Variants in NBEA observed in about 807,000 individuals in gnomAD.
NBEA encodes the protein neurobeachin.
In NBEA, 44 loss-of-function variants were observed where a neutral mutation model predicts 343.4. The observed-to-expected ratio is 0.13, with a 90% CI of 0.10 to 0.16. The LOEUF (loss-of-function observed/expected upper bound fraction) is 0.16. Ranked by LOEUF, NBEA falls within the 10% of genes least tolerant of loss-of-function variation. NBEA has a pLI of 1.00. For synonymous variants in NBEA, 1,175 were observed against 1,238.7 expected (o/e 0.95, Z 1.08); for missense variants, 2,555 against 3,631.3 (o/e 0.70, Z 7.62).
chr13:35,660,729 C>G (rs1377845676), intron 55 of NBEA, among the ~76,000 whole-genome samples: 2 of 152,188 alleles, frequency 1.3e-5, no homozygotes, highest in African/African-American at 4.8e-5. Context: ...CTGCCACTAA[C>G]CAGTGCTATT....
chr13:35,657,597 A>G (rs1167366534), intron 55 of NBEA, among the ~76,000 whole-genome samples: 1 of 152,332 alleles, frequency 6.6e-6, no homozygotes, highest in Non-Finnish European at 1.5e-5. Context: ...ATTCTCAAGA[A>G]TGGTACATTA....
intron 47 of NBEA, 140 bp from the exon 48 acceptor site, chr13:35,606,286 A>C (rs1321042969): frequency 2.4e-6 from 1 of 412,616 alleles, no homozygotes; most frequent in Non-Finnish European, 4.0e-6. Flanking sequence ...TAAATGAAGA[A>C]TAGAATAGAA....
intron 45 of NBEA, among the ~76,000 whole-genome samples, chr13:35,581,884 TAA>T (rs67036210): frequency 8.7e-4 from 96 of 110,448 alleles, no homozygotes; most frequent in Middle Eastern, 4.2e-3. Context: ...AAAGTATAAT[TAA>T]AAAAAAAAAA....
At chr13:35,522,372 G>A (rs1331581786) in intron 41 of NBEA, among the ~76,000 whole-genome samples, 2 of 150,042 alleles carry the variant, frequency 1.3e-5, no homozygotes, top group South Asian at 2.1e-4. Flanking sequence ...GGCAGCTGAG[G>A]CAGGAGAATC....
At chr13:35,351,673 T>C (rs1046558902) in intron 37 of NBEA, among the ~76,000 whole-genome samples, 1 of 152,012 alleles carries the variant, frequency 6.6e-6, no homozygotes, top group African/African-American at 2.4e-5. Context: ...GCATATTTTG[T>C]GAATTAAAAT....
chr13:35,488,446 T>C (rs1187244648), intron 41 of NBEA, among the ~76,000 whole-genome samples: 1 of 152,066 alleles, frequency 6.6e-6, no homozygotes, highest in East Asian at 1.9e-4. Flanking sequence ...ATATACTTTA[T>C]GTATTTTGGC....
At chr13:35,401,569 A>G (rs1010751546) in intron 38 of NBEA, among the ~76,000 whole-genome samples, 10 of 152,146 alleles carry the variant, frequency 6.6e-5, no homozygotes, top group Admixed American at 6.6e-4. Context: ...GTGTATTCTA[A>G]AACATTTGTT....
chr13:34,953,505 AC>A (rs1566085288), intron 1 of NBEA, among the ~76,000 whole-genome samples: 1 of 152,082 alleles, frequency 6.6e-6, no homozygotes, highest in Non-Finnish European at 1.5e-5. Context: ...TTTAGCTCTT[AC>A]CCCTATTTAA....
intron 2 of NBEA, 35 bp downstream of exon 2, chr13:35,041,199 A>C: frequency 6.6e-7 from 1 of 1,519,074 alleles, no homozygotes; most frequent in Non-Finnish European, 9.1e-7. Flanking sequence ...TATAACTTAA[A>C]TGTTTATAAA....
chr13:35,177,435 GTTA>G (rs551271107), intron 28 of NBEA, among the ~76,000 whole-genome samples: 8 of 151,736 alleles, frequency 5.3e-5, no homozygotes, highest in Non-Finnish European at 1.2e-4. Flanking sequence ...CTAAAAATTT[GTTA>G]TTATTAATGT....
chr13:35,649,969 A>T (rs142187497), intron 52 of NBEA, 122 bp downstream of exon 52: 4 of 964,374 alleles, frequency 4.1e-6, no homozygotes, highest in Non-Finnish European at 6.1e-6. Flanking sequence ...CAGCAGACTA[A>T]ATAAATAATT....
At chr13:35,472,562 G>A (rs2075699877) in intron 41 of NBEA, 26 bp downstream of exon 41, 1 of 1,613,692 alleles carries the variant, frequency 6.2e-7, no homozygotes, top group South Asian at 1.1e-5. Context: ...TCCATGTACA[G>A]TATTGGTGGC....
chr13:35,403,642 C>T (rs2152908990), intron 38 of NBEA, among the ~76,000 whole-genome samples: 1 of 152,006 alleles, frequency 6.6e-6, no homozygotes, highest in Admixed American at 6.6e-5. Flanking sequence ...GACCTAAAAC[C>T]ATAAAGTCCC....
intron 40 of NBEA, among the ~76,000 whole-genome samples, chr13:35,463,459 C>T (rs545729677): frequency 9.9e-5 from 15 of 151,896 alleles, no homozygotes; most frequent in African/African-American, 2.7e-4. Flanking sequence ...CCCATCCGTA[C>T]GAAAAAATTT....
At chr13:35,475,140 T>C (rs1457547210) in intron 41 of NBEA, 1 of 1,614,120 alleles carries the variant, frequency 6.2e-7, no homozygotes, top group Non-Finnish European at 8.5e-7. Context: ...TTTCCAGAGC[T>C]GAGTGAGGTT....
At chr13:35,622,026 G>T (rs552989829) in intron 48 of NBEA, among the ~76,000 whole-genome samples, 7 of 152,266 alleles carry the variant, frequency 4.6e-5, no homozygotes, top group African/African-American at 1.7e-4. Context: ...GTAACAAGAG[G>T]ATACTGATGA....
chr13:35,077,878 T>TAGC (rs2064190572), intron 10 of NBEA, among the ~76,000 whole-genome samples: 1 of 152,150 alleles, frequency 6.6e-6, no homozygotes, highest in East Asian at 1.9e-4. Context: ...TGGAAAATGC[T>TAGC]AGCAGGGACA....
chr13:35,605,920 T>TA lies in NBEA; in HGVS notation c.7297-498dup, dbSNP rs149137917. ...TATAAAAATAATTTACTTTATCAAG[T>TA]AAAAAAAACTATGAATCTCTTTATA... On this transcript the variant is annotated intron_variant, in intron 47 of 58. Transcript: ENST00000379939. Among the ~76,000 whole-genome samples the TA allele has an allele frequency of 6.3e-3, 952 of 152,100 alleles. 11 individuals carry two copies. The highest frequency in any genetic ancestry group is 0.022 in the African/African-American group (900 of 41,524).
chr13:35,637,229 C>T (rs1038045574), intron 49 of NBEA, among the ~76,000 whole-genome samples: 1 of 152,110 alleles, frequency 6.6e-6, no homozygotes, highest in Admixed American at 6.5e-5. Flanking sequence ...AAATGCAAAT[C>T]AAAGCTGCAG....
Sources: gnomAD v4.1 joint callset for allele counts (sites outside exome capture counted in the v4.1 genomes callset) on GRCh38, gnomAD v4.1.1 for gene constraint, MANE v1.5 for transcripts, NCBI Gene and HGNC (gene_info 2026-07-23, HGNC 2026-07-21) for gene names.